Variants in MAN1A2 observed in about 807,000 individuals in gnomAD.
The protein encoded by MAN1A2 is mannosyl-oligosaccharide 1,2-alpha-mannosidase IB.
MAN1A2 carries 26 observed loss-of-function variants against 75.7 expected under a neutral mutation model. The observed-to-expected ratio is 0.34, with a 90% CI of 0.25 to 0.48. MAN1A2 has a LOEUF of 0.48. Ranked by LOEUF, MAN1A2 falls within the 20% of genes least tolerant of loss-of-function variation. The pLI is 0.99. For synonymous variants in MAN1A2, 247 were observed against 264.6 expected (o/e 0.93, Z 0.65); for missense variants, 562 against 775.5 (o/e 0.72, Z 3.27).
At chr1:117,489,577 T>C (rs1328827041) in intron 8 of MAN1A2, among the ~76,000 whole-genome samples, 1 of 152,044 alleles carries the variant, frequency 6.6e-6, no homozygotes, top group African/African-American at 2.4e-5. Context: ...ATGTTGCACA[T>C]TTCTTCTCCA....
chr1:117,521,977 G>A (rs1651882842), intron 12 of MAN1A2, among the ~76,000 whole-genome samples: 2 of 151,914 alleles, frequency 1.3e-5, no homozygotes, highest in African/African-American at 4.8e-5. Context: ...TGGGAGCTAA[G>A]CTATGAGGAC....
At chr1:117,416,784 C>T (rs1455187337) in intron 4 of MAN1A2, among the ~76,000 whole-genome samples, 1 of 152,086 alleles carries the variant, frequency 6.6e-6, no homozygotes, top group South Asian at 2.1e-4. Flanking sequence ...GGAACTGGTA[C>T]CTGTGCTGCC....
chr1:117,497,835 C>T (rs1235355734), intron 10 of MAN1A2, among the ~76,000 whole-genome samples: 1 of 151,736 alleles, frequency 6.6e-6, no homozygotes, highest in Non-Finnish European at 1.5e-5. Context: ...AGATAATGAG[C>T]TCCCTGAAAG....
intron 6 of MAN1A2, among the ~76,000 whole-genome samples, chr1:117,448,928 C>T (rs543400868): frequency 4.6e-4 from 70 of 151,996 alleles, no homozygotes; most frequent in African/African-American, 1.4e-3. Flanking sequence ...GCAAGTCTAT[C>T]GGGGCTATTT....
chr1:117,470,659 C>T (rs1650120535), intron 8 of MAN1A2, among the ~76,000 whole-genome samples: 1 of 151,914 alleles, frequency 6.6e-6, no homozygotes, highest in Non-Finnish European at 1.5e-5. Flanking sequence ...AAAATCCTAG[C>T]GAGCTGCCCT....
intron 5 of MAN1A2, among the ~76,000 whole-genome samples, chr1:117,422,240 CTT>C (rs1648223327): frequency 6.6e-6 from 1 of 152,022 alleles, no homozygotes; most frequent in Non-Finnish European, 1.5e-5. Context: ...TTACTGATCT[CTT>C]TTCTGTCTCT....
At chr1:117,394,427 C>T (rs1274973893) in intron 1 of MAN1A2, among the ~76,000 whole-genome samples, 1 of 152,158 alleles carries the variant, frequency 6.6e-6, no homozygotes, top group South Asian at 2.1e-4. Flanking sequence ...CTAGTACAAT[C>T]AAATTGAAGC....
rs1174651655 is a variant in MAN1A2, at chr1:117,526,552, G to A, written c.*3595G>A. ...AAATATTTACTTTAGAAATAAAAAC[G>A]TTCTTATTTTGCTATATCACTTTAA... On this transcript the variant is annotated 3_prime_UTR_variant, in exon 13 of 13. Transcript: ENST00000356554. 1 of 151,296 alleles carries A rather than the reference G, an allele frequency of 6.6e-6. No homozygotes were observed. Among genetic ancestry groups the A allele is most frequent in the Non-Finnish European group, 1.5e-5 (1 of 67,660 alleles). 9.4% of individuals were successfully genotyped at this position (151,296 alleles called of 1,614,324 possible).
chr1:117,382,396 A>G (rs1022813006), intron 1 of MAN1A2, among the ~76,000 whole-genome samples: 12 of 152,348 alleles, frequency 7.9e-5, no homozygotes, highest in African/African-American at 2.2e-4. Context: ...AGCTTTCTAC[A>G]TATGGCTAGC....
intron 8 of MAN1A2, among the ~76,000 whole-genome samples, chr1:117,489,991 G>A (rs1276901303): frequency 6.6e-6 from 1 of 151,666 alleles, no homozygotes; most frequent in African/African-American, 2.4e-5. Context: ...CAGAGTTCAA[G>A]GATATAGGGC....
At chr1:117,487,023 G>T (rs1180772519) in intron 8 of MAN1A2, among the ~76,000 whole-genome samples, 1 of 151,990 alleles carries the variant, frequency 6.6e-6, no homozygotes, top group African/African-American at 2.4e-5. Flanking sequence ...AATAACATCA[G>T]ATTTCTTATC....
chr1:117,449,531 C>T (rs1206310929), intron 6 of MAN1A2, among the ~76,000 whole-genome samples: 2 of 150,538 alleles, frequency 1.3e-5, no homozygotes, highest in African/African-American at 2.5e-5. Flanking sequence ...TGCACTCCAG[C>T]CTGGGTGACA....
intron 9 of MAN1A2, 80 bp from the exon 10 acceptor site, chr1:117,496,683 T>C: frequency 9.7e-7 from 1 of 1,029,130 alleles, no homozygotes; most frequent in Non-Finnish European, 1.5e-6. Flanking sequence ...ACCCAGGTTT[T>C]ATAATGGCCA....
chr1:117,438,135 G>T (rs1266581771), intron 5 of MAN1A2, among the ~76,000 whole-genome samples: 1 of 152,156 alleles, frequency 6.6e-6, no homozygotes, highest in Non-Finnish European at 1.5e-5. Context: ...ATATGTTGGT[G>T]GTTGCATGAA....
chr1:117,409,174 T>A lies in MAN1A2; in HGVS notation c.655+3529T>A, dbSNP rs141445659. ...TTTTCTTCTTTTGCATGATTTGGGT[T>A]GATTTTGCTCTTGTTTTTCCAGTGT... On this transcript the variant is annotated intron_variant, in intron 3 of 12. Transcript: ENST00000356554. 2.4e-3 allele frequency among the ~76,000 whole-genome samples: 371 copies of A among 152,226 alleles called. 1 individual carries two copies. The highest frequency in any genetic ancestry group is 8.6e-3 in the African/African-American group (356 of 41,574).
intron 8 of MAN1A2, among the ~76,000 whole-genome samples, chr1:117,472,449 C>T (rs1049771215): frequency 3.9e-5 from 6 of 152,030 alleles, no homozygotes; most frequent in Non-Finnish European, 5.9e-5. Context: ...ATATCAACCA[C>T]TGTTCCAGAT....
chr1:117,521,818 G>A (rs1470802031), intron 12 of MAN1A2, among the ~76,000 whole-genome samples: 1 of 151,760 alleles, frequency 6.6e-6, no homozygotes, highest in Non-Finnish European at 1.5e-5. Flanking sequence ...AAGAAACTGT[G>A]GTATATTTAT....
At chr1:117,447,855 G>T (rs918766244) in intron 6 of MAN1A2, among the ~76,000 whole-genome samples, 1 of 152,152 alleles carries the variant, frequency 6.6e-6, no homozygotes, top group East Asian at 1.9e-4. Flanking sequence ...GTTGGGTAAT[G>T]TGATGCCTCC....
Position 117,398,847 on chromosome 1 carries a change from T to C in MAN1A2, c.303-3339T>C, listed in dbSNP as rs369150707. Among the ~76,000 whole-genome samples, 20 of 152,182 alleles carry C rather than the reference T, an allele frequency of 1.3e-4. No individual in the cohort carries two copies. In the South Asian group the frequency reaches 2.7e-3, roughly 21 times the overall value. On this transcript the variant is annotated intron_variant, in intron 1 of 12. Coordinates refer to ENST00000356554, the MANE Select transcript of MAN1A2 (RefSeq NM_006699.5). ...AAGGGAAGCCATGAAGTGTTTTAAG[T>C]GAGAGTGAGGCATAGTCTGAATAAT...
Sources: allele counts gnomAD v4.1 joint callset (sites outside exome capture counted in the v4.1 genomes callset), GRCh38; gene constraint gnomAD v4.1.1; transcripts MANE v1.5; gene names NCBI Gene and HGNC (gene_info 2026-07-23, HGNC 2026-07-21).